The following MSH3 variants were observed in gnomAD, a reference collection of about 807,000 sequenced individuals.
MSH3 encodes the protein DNA mismatch repair protein Msh3.
A neutral mutation model predicts 123.3 loss-of-function variants in MSH3; 106 were observed. The ratio of observed to expected loss-of-function variants is 0.86; its 90% CI spans 0.73 to 1.01. MSH3 has a LOEUF of 1.01. MSH3 is among the 50% of genes least tolerant of loss of function. MSH3 has a pLI of 0.00. For missense variants in MSH3, 1,459 were observed against 1,347.6 expected, an observed-to-expected ratio of 1.08 and a Z score of -1.29; for synonymous variants, 515 against 481.4, an observed-to-expected ratio of 1.07 and a Z score of -0.91.
intron 18 of MSH3, among the ~76,000 whole-genome samples, chr5:80,791,684 T>C (rs540600365): frequency 1.3e-5 from 2 of 152,354 alleles, no homozygotes; most frequent in South Asian, 4.1e-4. Context: ...TAAATCCAGA[T>C]AGTAAATGGT....
In MSH3 at chr5:80,674,981, A is replaced by G. The variant is rs1749805306; in HGVS notation, c.1028-2A>G. Reference sequence around the variant, plus strand: ...TAATTATTTTTCTTTAATTATTATTAAATGTGAATCCCCTAATCAAGCTGG... The same window carrying G: ...TAATTATTTTTCTTTAATTATTATTGAATGTGAATCCCCTAATCAAGCTGG... On this transcript the variant is annotated splice_acceptor_variant, in intron 6 of 23. Transcript: ENST00000265081. LOFTEE classifies it high-confidence loss of function. The G allele has an allele frequency of 6.3e-7, 1 of 1,591,330 alleles. No homozygotes were observed. The highest frequency in any genetic ancestry group is 8.6e-7 in the Non-Finnish European group (1 of 1,162,170).
In MSH3 at chr5:80,860,443, G is replaced by GTTT. The variant is rs199512437; in HGVS notation, c.3001-4357_3001-4355dup. On this transcript the variant is annotated intron_variant, in intron 21 of 23. Coordinates refer to ENST00000265081, the MANE Select transcript of MSH3 (RefSeq NM_002439.5). ...GAATTCTAGGTTGGAGAGGTTTGTT[G>GTTT]TTTTTTTTTTTTTTTCCTCTCAAAA... Among the ~76,000 whole-genome samples the GTTT allele has an allele frequency of 7.4e-4, 101 of 137,246 alleles. 1 individual carries two copies. The highest frequency in any genetic ancestry group is 2.5e-3 in the African/African-American group (94 of 37,226). 90.0% of individuals were successfully genotyped at this position (137,246 alleles called of 152,430 possible).
intron 17 of MSH3, among the ~76,000 whole-genome samples, chr5:80,784,221 AAAAAAAAAAAAAAAAAAAG>A (rs1321909823): frequency 2.3e-5 from 3 of 132,844 alleles, no homozygotes; most frequent in African/African-American, 9.6e-5. Context: ...GCAAAAAAAA[AAAAAAAAAAAAAAAAAAAG>A]GGAAATAAAT....
chr5:80,801,074 A>G (rs1459180927), intron 19 of MSH3, among the ~76,000 whole-genome samples: 1 of 152,222 alleles, frequency 6.6e-6, no homozygotes, highest in Non-Finnish European at 1.5e-5. Flanking sequence ...GCTAGCACCA[A>G]GTGAACATGG....
At chr5:80,657,042 T>TAGAATTTTCTATTA (rs36231460) in intron 2 of MSH3, among the ~76,000 whole-genome samples, 38,926 of 151,992 alleles carry the variant, frequency 0.26, 5,137 homozygotes, top group Middle Eastern at 0.33. Flanking sequence ...TTCTACTTAA[T>TAGAATTTTCTATTA]AGAAAATTTT....
Position 80,658,035 on chromosome 5 carries a change from C to CCTTTTTT in MSH3, c.358+1504_358+1505insCTTTTTT, listed in dbSNP as rs369384745. Reference sequence around the variant, plus strand: ...ATTTTTCCTAAGAATGCTTTTTGCCCTCTTTTTTTTTTTTTGAGATAGGGT... The same window carrying CCTTTTTT: ...ATTTTTCCTAAGAATGCTTTTTGCCCCTTTTTTTCTTTTTTTTTTTTTGAGATAGGGT... On this transcript the variant is annotated intron_variant, in intron 2 of 23. Coordinates refer to ENST00000265081, the MANE Select transcript of MSH3 (RefSeq NM_002439.5). 1.4e-4 allele frequency among the ~76,000 whole-genome samples: 12 copies of CCTTTTTT among 87,198 alleles called. 2 individuals carry two copies. The highest frequency in any genetic ancestry group is 1.3e-4 in the Non-Finnish European group (6 of 45,010). 57.2% of individuals were successfully genotyped at this position (87,198 alleles called of 152,430 possible). A position where few individuals can be genotyped will look rare whatever the true frequency, so the allele number is the denominator to read the frequency against.
intron 20 of MSH3, 112 bp downstream of exon 20, chr5:80,813,853 T>A: frequency 8.4e-7 from 1 of 1,189,440 alleles, no homozygotes; most frequent in Non-Finnish European, 1.3e-6. Flanking sequence ...CACTCAACAT[T>A]TAGGAGCTTA....
intron 23 of MSH3, 130 bp from the exon 24 acceptor site, chr5:80,875,621 C>G (rs1026231809): frequency 1.6e-6 from 1 of 634,750 alleles, no homozygotes; most frequent in Non-Finnish European, 2.8e-6. Flanking sequence ...AAGGGTGACA[C>G]TGACACAGCT....
chr5:80,732,638 A>T (rs1373751566), intron 10 of MSH3, among the ~76,000 whole-genome samples: 1 of 152,180 alleles, frequency 6.6e-6, no homozygotes, highest in African/African-American at 2.4e-5. Context: ...TAGGCACAAA[A>T]ATCCTCAATG....
intron 22 of MSH3, among the ~76,000 whole-genome samples, chr5:80,869,813 CATATATATAT>C (rs372333581): frequency 1.5e-5 from 2 of 129,408 alleles, no homozygotes; most frequent in Non-Finnish European, 3.2e-5. Flanking sequence ...TACATATATA[CATATATATAT>C]ACATATATAC....
chr5:80,792,661 A>T, intron 18 of MSH3, 72 bp from the exon 19 acceptor site: 1 of 882,086 alleles, frequency 1.1e-6, no homozygotes, highest in African/African-American at 1.7e-5. Flanking sequence ...GAAATTTTTC[A>T]TGCTATCTTA....
rs372658960 is a variant in MSH3 at position 80,813,788 on chromosome 5, G to T, written c.2813+47G>T. 5.0e-6 allele frequency: 8 copies of T among 1,596,640 alleles called. 1 individual carries two copies. The African/African-American group carries it at 9.4e-5, about 19-fold the overall frequency. On this transcript the variant is annotated intron_variant, in intron 20 of 23. Transcript: ENST00000265081. ...GCATATATTCTTGAAAATAAGTCAA[G>T]CCCACATTATCGCATGAATTTTCCT...
chr5:80,686,346 A>G (rs1279426474), intron 8 of MSH3, among the ~76,000 whole-genome samples: 3 of 150,866 alleles, frequency 2.0e-5, no homozygotes, highest in Non-Finnish European at 4.4e-5. Context: ...TCTGTCACCC[A>G]GGGGGCAGTG....
intron 8 of MSH3, among the ~76,000 whole-genome samples, chr5:80,700,150 CG>C (rs1419668598): frequency 6.6e-6 from 1 of 152,064 alleles, no homozygotes; most frequent in Non-Finnish European, 1.5e-5. Flanking sequence ...GAGGCTGAGG[CG>C]GGTGGATCAC....
At chr5:80,658,874 C>A (rs1284468212) in intron 2 of MSH3, among the ~76,000 whole-genome samples, 1 of 152,166 alleles carries the variant, frequency 6.6e-6, no homozygotes, top group African/African-American at 2.4e-5. Flanking sequence ...TGGGACTGTG[C>A]TCCTGAGCCA....
intron 9 of MSH3, among the ~76,000 whole-genome samples, chr5:80,727,842 A>G (rs891002598): frequency 1.3e-5 from 2 of 152,156 alleles, no homozygotes; most frequent in African/African-American, 4.8e-5. Context: ...GAACTTTTAA[A>G]TAGGATGGTA....
intron 2 of MSH3, among the ~76,000 whole-genome samples, chr5:80,657,095 C>CTT (rs1007696351): frequency 4.0e-5 from 6 of 151,760 alleles, no homozygotes; most frequent in African/African-American, 1.5e-4. Context: ...ACTCTCCCCG[C>CTT]TTTTTTTTGC....
intron 20 of MSH3, among the ~76,000 whole-genome samples, chr5:80,821,408 ATTATTTTCACAT>A (rs1319024598): frequency 6.6e-6 from 1 of 152,238 alleles, no homozygotes; most frequent in Non-Finnish European, 1.5e-5. Context: ...CAGAAATGAA[ATTATTTTCACAT>A]TTATATTACA....
At chr5:80,870,984 C>T (rs1472907318) in intron 22 of MSH3, among the ~76,000 whole-genome samples, 1 of 152,180 alleles carries the variant, frequency 6.6e-6, no homozygotes, top group Non-Finnish European at 1.5e-5. Flanking sequence ...ATATCCTGAG[C>T]TGCTTTAGCT....
Sources: gnomAD v4.1 joint callset for allele counts (sites outside exome capture counted in the v4.1 genomes callset) on GRCh38, gnomAD v4.1.1 for gene constraint, MANE v1.5 for transcripts, NCBI Gene and HGNC (gene_info 2026-07-23, HGNC 2026-07-21) for gene names.